The following HAPLN3 variants were observed in gnomAD, a reference collection of about 807,000 sequenced individuals.
HAPLN3 encodes hyaluronan and proteoglycan link protein 3.
HAPLN3 carries 28 observed loss-of-function variants against 28.1 expected under a neutral mutation model. That is an observed-to-expected ratio of 1.00 (90% CI 0.74 to 1.37). The LOEUF (loss-of-function observed/expected upper bound fraction) is 1.37. Ranked by LOEUF, HAPLN3 falls within the 40% of genes most tolerant of loss-of-function variation. The pLI is 0.00. For missense variants in HAPLN3, 513 were observed against 504.6 expected (o/e 1.02, Z -0.16); for synonymous variants, 211 against 213.1 (o/e 0.99, Z 0.09).
intron 2 of HAPLN3, among the ~76,000 whole-genome samples, chr15:88,884,778 T>G (rs145390043): frequency 6.6e-6 from 1 of 151,866 alleles, no homozygotes; most frequent in Admixed American, 6.6e-5. Flanking sequence ...CGCAAGTACC[T>G]GTTTAGAGGG....
intron 2 of HAPLN3, among the ~76,000 whole-genome samples, chr15:88,884,595 G>A (rs1897796572): frequency 6.6e-6 from 1 of 152,094 alleles, no homozygotes; most frequent in African/African-American, 2.4e-5. Flanking sequence ...AGTAGGGCTT[G>A]TATAACAAAA....
chr15:88,880,945 C>G lies in HAPLN3; in HGVS notation c.493+412G>C, dbSNP rs1336059151. On this transcript the variant is annotated intron_variant, in intron 3 of 4. Coordinates refer to ENST00000359595, the MANE Select transcript of HAPLN3 (RefSeq NM_178232.4). The surrounding 1 kb of genome is among the most constrained non-coding windows in gnomAD (Gnocchi z 6.0). ...GCTCAGGAGTGTGCCCAGTCCCCAC[C>G]ACTCCCATCGTCTCACAGTGGGCTG... is the stretch of plus-strand genomic sequence containing the variant. Among the ~76,000 whole-genome samples, 2 of 152,122 alleles carry G rather than the reference C, an allele frequency of 1.3e-5. No homozygotes were observed. Among genetic ancestry groups the G allele is most frequent in the Admixed American group, 1.3e-4 (2 of 15,276 alleles).
rs760242665 is a variant in HAPLN3 at position 88,881,379 on chromosome 15, A to G, written c.471T>C (p.Gly157=). The change falls in exon 3 of 5, where the codon GGT becomes GGC. Residue 157 remains glycine, a synonymous_variant. Coordinates refer to ENST00000359595, the MANE Select transcript of HAPLN3 (RefSeq NM_178232.4). The surrounding 1 kb of genome is among the most constrained non-coding windows in gnomAD (Gnocchi z 6.0). ...CACCCCGCAGCTCCAGCTCCACCAGACCGCTTTCATCCTCCAGCCCGTCAA... is the reference window on the plus strand; with the variant it reads ...CACCCCGCAGCTCCAGCTCCACCAGGCCGCTTTCATCCTCCAGCCCGTCAA... ...EVIDGLEDES[G]LVELELRGVV... 1.9e-6 allele frequency: 3 copies of G among 1,612,840 alleles called. No individual in the cohort carries two copies. Among genetic ancestry groups the G allele is most frequent in the Admixed American group, 1.7e-5 (1 of 59,932 alleles).
intron 2 of HAPLN3, among the ~76,000 whole-genome samples, chr15:88,885,458 G>GT (rs761060139): frequency 0.039 from 4,475 of 114,896 alleles, 105 homozygotes; most frequent in African/African-American, 0.061. Context: ...TGTTTTTTGT[G>GT]TTTTTTTTTT....
chr15:88,878,254 GC>G lies in HAPLN3; in HGVS notation c.798del (p.Arg267GlyfsTer11). On this transcript the variant is annotated frameshift_variant and splice_region_variant, in exon 5 of 5. Coordinates refer to ENST00000359595, the MANE Select transcript of HAPLN3 (RefSeq NM_178232.4). LOFTEE classifies it low-confidence loss of function (END_TRUNC). ...DVFCFATALK[G>X]RVYYLEHPEK... The stretch of plus-strand genomic sequence containing the variant: ...TCAGGGTGCTCCAGGTAGTACACCC[GC>G]CCTGGGGGAAAGGGGGCGTGAGTGC... 1.9e-6 allele frequency: 3 copies of G among 1,609,756 alleles called. No individual in the cohort carries two copies. Among genetic ancestry groups the G allele is most frequent in the Non-Finnish European group, 2.5e-6 (3 of 1,177,312 alleles).
At chr15:88,878,945 C>T (rs764608905) in intron 4 of HAPLN3, 22 bp downstream of exon 4, 187 of 1,585,194 alleles carry the variant, frequency 1.2e-4, no homozygotes, top group South Asian at 1.9e-4. Context: ...CCCACAGGCC[C>T]GCGCTTGGCT....
Position 88,880,650 on chromosome 15 carries a change from A to G in HAPLN3, c.493+707T>C. On this transcript the variant is annotated intron_variant, in intron 3 of 4. Coordinates refer to ENST00000359595, the MANE Select transcript of HAPLN3 (RefSeq NM_178232.4). This position sits in a 1 kb window ranked among gnomAD's most constrained non-coding sequence, Gnocchi z 6.0. ...GGTAAATACAAATTAAAGATCAAACAGGGACCCCACATACAAGATCCGGCT... is the reference window on the plus strand; with the variant it reads ...GGTAAATACAAATTAAAGATCAAACGGGGACCCCACATACAAGATCCGGCT... The G allele has an allele frequency of 7.9e-7, 1 of 1,261,080 alleles. No homozygotes were observed. Among genetic ancestry groups the G allele is most frequent in the Non-Finnish European group, 1.0e-6 (1 of 964,280 alleles). The allele number at this position is 1,261,080 out of a possible 1,614,324, so 78.1% of individuals were successfully genotyped here.
At chr15:88,885,383 C>A (rs36106014) in intron 2 of HAPLN3, among the ~76,000 whole-genome samples, 3 of 152,120 alleles carry the variant, frequency 2.0e-5, no homozygotes, top group African/African-American at 7.2e-5. Context: ...TCAAGCAATT[C>A]TCATGCCTCA....
intron 4 of HAPLN3, 91 bp from the exon 5 acceptor site, chr15:88,878,347 T>A: frequency 8.1e-7 from 1 of 1,238,172 alleles, no homozygotes; most frequent in South Asian, 1.4e-5. Context: ...CAAAGACCCG[T>A]CTGAGCCCAG....
At position 88,878,271 on chromosome 15, in the gene HAPLN3, G is replaced by T; in HGVS notation, c.797-15C>A. ...GTACACCCGCCCTGGGGGAAAGGGGGCGTGAGTGCCGTACAGCGCAGGGGG... is the reference window on the plus strand; with the variant it reads ...GTACACCCGCCCTGGGGGAAAGGGGTCGTGAGTGCCGTACAGCGCAGGGGG... On this transcript the variant is annotated splice_polypyrimidine_tract_variant and intron_variant, in intron 4 of 4. Transcript: ENST00000359595. 1.9e-6 allele frequency: 3 copies of T among 1,603,748 alleles called. No homozygotes were observed. Among genetic ancestry groups the T allele is most frequent in the Non-Finnish European group, 2.6e-6 (3 of 1,174,518 alleles).
In HAPLN3 at chr15:88,877,386, A is replaced by G. The variant is rs1897551713; in HGVS notation, c.*584T>C. The G allele has an allele frequency of 6.5e-6, 1 of 153,240 alleles. No homozygotes were observed. The highest frequency in any genetic ancestry group is 2.1e-4 in the South Asian group (1 of 4,854). The allele number at this position is 153,240 out of a possible 1,614,324, so 9.5% of individuals were successfully genotyped here. A position where few individuals can be genotyped will look rare whatever the true frequency, so the allele number is the denominator to read the frequency against. ...AGGGAAACAGGAGAAACAAATGACA[A>G]CAAAACAGATTCTTTGGAACCGAGA... On this transcript the variant is annotated 3_prime_UTR_variant, in exon 5 of 5. Transcript: ENST00000359595. This position sits in a 1 kb window ranked among gnomAD's most constrained non-coding sequence, Gnocchi z 5.1.
intron 1 of HAPLN3, among the ~76,000 whole-genome samples, chr15:88,891,182 C>T (rs114556799): frequency 0.017 from 2,577 of 151,670 alleles, 62 homozygotes; most frequent in African/African-American, 0.058. Context: ...ACCCGGCCTG[C>T]ATCTCTTTGT....
intron 1 of HAPLN3, among the ~76,000 whole-genome samples, chr15:88,894,436 A>G (rs749101260): frequency 7.2e-5 from 11 of 152,274 alleles, no homozygotes; most frequent in South Asian, 4.2e-4. Context: ...CAAGTCCCCC[A>G]GGTACCAGCA....
chr15:88,878,260 G>C lies in HAPLN3; in HGVS notation c.797-4C>G. ...TGCTCCAGGTAGTACACCCGCCCTG[G>C]GGGAAAGGGGGCGTGAGTGCCGTAC... On this transcript the variant is annotated splice_region_variant and splice_polypyrimidine_tract_variant and intron_variant, in intron 4 of 4. Transcript: ENST00000359595. 6.2e-7 allele frequency: 1 copy of C among 1,607,908 alleles called. No homozygotes were observed. Among genetic ancestry groups the C allele is most frequent in the South Asian group, 1.1e-5 (1 of 89,950 alleles).
At chr15:88,889,871 T>C (rs1268657767) in intron 1 of HAPLN3, among the ~76,000 whole-genome samples, 3 of 152,068 alleles carry the variant, frequency 2.0e-5, no homozygotes, top group Non-Finnish European at 4.4e-5. Flanking sequence ...CAATTGCCTC[T>C]GCTATGATTG....
chr15:88,883,647 G>A (rs953275520), intron 2 of HAPLN3, among the ~76,000 whole-genome samples: 3 of 152,242 alleles, frequency 2.0e-5, no homozygotes, highest in African/African-American at 7.2e-5. Flanking sequence ...ATACAGCCAT[G>A]TAAAATAATC....
chr15:88,879,319 G>T lies in HAPLN3; in HGVS notation c.494-50C>A. On this transcript the variant is annotated intron_variant, in intron 3 of 4. Coordinates refer to ENST00000359595, the MANE Select transcript of HAPLN3 (RefSeq NM_178232.4). The surrounding 1 kb of genome is among the most constrained non-coding windows in gnomAD (Gnocchi z 5.0). The stretch of plus-strand genomic sequence containing the variant: ...TAGGGGGTGGCCAGGGGCCCAGCTG[G>T]CTGGACACCCCGCTCTCCTCCCACC... 6.2e-7 allele frequency: 1 copy of T among 1,600,236 alleles called. No individual in the cohort carries two copies. The highest frequency in any genetic ancestry group is 1.1e-5 in the South Asian group (1 of 90,754).
chr15:88,893,239 A>T, intron 1 of HAPLN3: 1 of 615,844 alleles, frequency 1.6e-6, no homozygotes, highest in Non-Finnish European at 2.9e-6. Context: ...CAACACAGTG[A>T]AACCCCCATC....
intron 1 of HAPLN3, among the ~76,000 whole-genome samples, chr15:88,894,715 G>A (rs185831928): frequency 6.6e-6 from 1 of 152,350 alleles, no homozygotes; most frequent in East Asian, 1.9e-4. Context: ...CAGGTTTACA[G>A]GCTGCCTGTG....
Sources: allele counts gnomAD v4.1 joint callset (sites outside exome capture counted in the v4.1 genomes callset), GRCh38; gene constraint gnomAD v4.1.1; non-coding constraint Gnocchi (gnomAD v3.1); transcripts MANE v1.5; gene names NCBI Gene and HGNC (gene_info 2026-07-23, HGNC 2026-07-21).